PLXDC2: variants seen among roughly 807,000 people sequenced by gnomAD.
The protein encoded by PLXDC2 is plexin domain-containing protein 2.
PLXDC2 carries 40 observed loss-of-function variants against 68.9 expected under a neutral mutation model. The ratio of observed to expected loss-of-function variants is 0.58; its 90% CI spans 0.45 to 0.76. The LOEUF is 0.76. Ranked by LOEUF, PLXDC2 falls within the 30% of genes least tolerant of loss-of-function variation. The pLI is 0.00. For synonymous variants in PLXDC2, 243 were observed against 234.2 expected (o/e 1.04, Z -0.34); for missense variants, 644 against 661.9 (o/e 0.97, Z 0.30).
intron 9 of PLXDC2, among the ~76,000 whole-genome samples, chr10:20,196,950 G>A (rs113684462): frequency 4.6e-5 from 7 of 151,986 alleles, no homozygotes; most frequent in African/African-American, 1.7e-4. Context: ...ATTGTTCTTA[G>A]TGCCTGCACT....
chr10:19,867,995 G>A (rs888805364), intron 1 of PLXDC2, among the ~76,000 whole-genome samples: 15 of 152,082 alleles, frequency 9.9e-5, no homozygotes, highest in Non-Finnish European at 1.5e-5. Context: ...CAAGTCATTT[G>A]TCAATGCCTA....
At chr10:19,892,581 A>T (rs1436139490) in intron 1 of PLXDC2, among the ~76,000 whole-genome samples, 1 of 152,190 alleles carries the variant, frequency 6.6e-6, no homozygotes, top group Non-Finnish European at 1.5e-5. Context: ...TGATTGCTGT[A>T]AATTCTTAAC....
intron 9 of PLXDC2, among the ~76,000 whole-genome samples, chr10:20,199,385 A>G (rs1834887432): frequency 6.6e-6 from 1 of 152,026 alleles, no homozygotes; most frequent in African/African-American, 2.4e-5. Flanking sequence ...TTTATGTAGC[A>G]TAATTCTGTA....
chr10:19,951,764 G>C (rs1308005526), intron 1 of PLXDC2, among the ~76,000 whole-genome samples: 1 of 152,178 alleles, frequency 6.6e-6, no homozygotes, highest in Non-Finnish European at 1.5e-5. Flanking sequence ...ATCAGTGGGG[G>C]ATTGGATAAA....
rs115579821 is a variant in PLXDC2 at position 20,233,394 on chromosome 10, G to A, written c.1313-11951G>A. Among the ~76,000 whole-genome samples, 824 of 151,822 alleles carry A rather than the reference G, an allele frequency of 5.4e-3. 8 individuals are homozygous for A. The highest frequency in any genetic ancestry group is 0.016 in the African/African-American group (683 of 41,408). On this transcript the variant is annotated intron_variant, in intron 12 of 13. Coordinates refer to ENST00000377252, the MANE Select transcript of PLXDC2 (RefSeq NM_032812.9). ...TTAAAAAAAGTAGGTGGGCATGGGG[G>A]TGCACAACTTCCCATGTAGTTGATA...
At chr10:20,197,064 C>A (rs546061841) in intron 9 of PLXDC2, among the ~76,000 whole-genome samples, 1 of 152,208 alleles carries the variant, frequency 6.6e-6, no homozygotes, top group African/African-American at 2.4e-5. Flanking sequence ...TAGAACAAGC[C>A]TCAGAAGTTG....
chr10:20,146,985 A>C (rs1454853102), intron 5 of PLXDC2, among the ~76,000 whole-genome samples: 1 of 152,164 alleles, frequency 6.6e-6, no homozygotes, highest in African/African-American at 2.4e-5. Flanking sequence ...GTGAAGAAAA[A>C]GTCTTAGCAG....
intron 4 of PLXDC2, among the ~76,000 whole-genome samples, chr10:20,103,282 A>G (rs1034435356): frequency 6.6e-6 from 1 of 152,236 alleles, no homozygotes; most frequent in Non-Finnish European, 1.5e-5. Flanking sequence ...TGTGTTGATA[A>G]CAATGCAGTC....
At chr10:20,189,652 C>T (rs1345226715) in intron 9 of PLXDC2, among the ~76,000 whole-genome samples, 2 of 149,750 alleles carry the variant, frequency 1.3e-5, no homozygotes, top group African/African-American at 2.4e-5. Flanking sequence ...TTATCAGTGC[C>T]GAATCTATAT....
At chr10:20,081,042 T>C (rs893911535) in intron 4 of PLXDC2, among the ~76,000 whole-genome samples, 2 of 152,168 alleles carry the variant, frequency 1.3e-5, no homozygotes, top group African/African-American at 4.8e-5. Flanking sequence ...CCAGTGAAGA[T>C]GTGTGAAACT....
chr10:20,016,694 A>G (rs142477715), intron 2 of PLXDC2, among the ~76,000 whole-genome samples: 2 of 152,334 alleles, frequency 1.3e-5, no homozygotes, highest in African/African-American at 2.4e-5. Context: ...CTTGTCTACT[A>G]TAGTCCTCAA....
At chr10:20,142,881 A>G (rs1834025094) in intron 4 of PLXDC2, among the ~76,000 whole-genome samples, 1 of 152,078 alleles carries the variant, frequency 6.6e-6, no homozygotes, top group Admixed American at 6.6e-5. Context: ...ATGGTAGCTT[A>G]CATAAATACC....
At chr10:20,235,013 C>T (rs77617553) in intron 12 of PLXDC2, among the ~76,000 whole-genome samples, 3,142 of 152,226 alleles carry the variant, frequency 0.021, 47 homozygotes, top group Middle Eastern at 0.065. Context: ...CAGATAACTG[C>T]GGAAGGGTTG....
intron 1 of PLXDC2, among the ~76,000 whole-genome samples, chr10:19,974,985 T>C (rs566374667): frequency 6.6e-6 from 1 of 152,320 alleles, no homozygotes; most frequent in African/African-American, 2.4e-5. Flanking sequence ...AAAAATCATA[T>C]GAACACATAG....
intron 2 of PLXDC2, among the ~76,000 whole-genome samples, chr10:20,006,760 GT>G (rs1589582027): frequency 6.6e-6 from 1 of 152,330 alleles, no homozygotes; most frequent in East Asian, 1.9e-4. Flanking sequence ...AATTCTTCCA[GT>G]TAAGGTTTTG....
chr10:19,912,210 T>A (rs974790303), intron 1 of PLXDC2, among the ~76,000 whole-genome samples: 1 of 152,222 alleles, frequency 6.6e-6, no homozygotes, highest in African/African-American at 2.4e-5. Context: ...TTAGTGGGTT[T>A]TTTTTGCCTG....
intron 1 of PLXDC2, among the ~76,000 whole-genome samples, chr10:19,922,559 C>G (rs1833477311): frequency 6.6e-6 from 1 of 152,086 alleles, no homozygotes; most frequent in Non-Finnish European, 1.5e-5. Context: ...TTGGAGGCTT[C>G]ATTTGTGACC....
chr10:19,837,669 A>G (rs1836825169), intron 1 of PLXDC2, among the ~76,000 whole-genome samples: 1 of 152,310 alleles, frequency 6.6e-6, no homozygotes, highest in East Asian at 1.9e-4. Context: ...TGGATTTTGC[A>G]ATTTGTTTTA....
chr10:20,216,677 C>CA (rs1835142401), intron 10 of PLXDC2, among the ~76,000 whole-genome samples: 1 of 152,150 alleles, frequency 6.6e-6, no homozygotes, highest in East Asian at 1.9e-4. Context: ...TCCACTGCGG[C>CA]ACAAAAGGTG....
Sources: allele counts gnomAD v4.1 joint callset (sites outside exome capture counted in the v4.1 genomes callset), GRCh38; gene constraint gnomAD v4.1.1; transcripts MANE v1.5; gene names NCBI Gene and HGNC (gene_info 2026-07-23, HGNC 2026-07-21).